SAMHD1: variants seen among roughly 807,000 people sequenced by gnomAD.
The protein encoded by SAMHD1 is SAM and HD domain containing deoxynucleoside triphosphate triphosphohydrolase 1.
Under a neutral mutation model 79.6 loss-of-function variants are expected in SAMHD1, and 54 were observed. The ratio of observed to expected loss-of-function variants is 0.68; its 90% confidence interval spans 0.55 to 0.85. SAMHD1 has a LOEUF of 0.85. SAMHD1 is among the 40% of genes least tolerant of loss of function. SAMHD1 has a pLI of 0.00. For synonymous variants in SAMHD1, 260 were observed against 264.1 expected, an observed-to-expected ratio of 0.98 and a Z score of 0.15; for missense variants, 663 against 782.7, an observed-to-expected ratio of 0.85 and a Z score of 1.82.
At chr20:36,910,732 A>G (rs80222496) in intron 11 of SAMHD1, among the ~76,000 whole-genome samples, 216 of 147,718 alleles carry the variant, frequency 1.5e-3, no homozygotes, top group Non-Finnish European at 2.8e-3. Context: ...TCCATCTCCA[A>G]AAAAAAAAAA....
Position 36,911,299 on chromosome 20 carries a change from T to C in SAMHD1, c.1189A>G (p.Ile397Val), listed in dbSNP as rs1332429542. 16 of 1,612,382 alleles carry C rather than the reference T, an allele frequency of 9.9e-6. No homozygotes were observed. The highest frequency in any genetic ancestry group is 1.3e-5 in the African/African-American group (1 of 74,912). The change falls in exon 11 of 16, where the codon ATA (isoleucine) becomes GTA (valine). Residue 397 changes from isoleucine (I) to valine (V), a missense_variant. By Grantham distance (29) the Ile-to-Val change is conservative (BLOSUM62 3). Transcript: ENST00000646673. ...TTTCCTCCAGCACCTGTAATCTCTATGTAGTCATCTGCTTTGAGGAAAGCA... is the reference window on the plus strand; with the variant it reads ...TTTCCTCCAGCACCTGTAATCTCTACGTAGTCATCTGCTTTGAGGAAAGCA... ...TDAFLKADDY[I>V]EITGAGGKKY...
intron 9 of SAMHD1, among the ~76,000 whole-genome samples, chr20:36,916,334 A>AATG (rs1479210360): frequency 6.6e-6 from 1 of 151,824 alleles, no homozygotes; most frequent in Admixed American, 6.6e-5. Flanking sequence ...AAGCACTTAA[A>AATG]ATGATGCCTC....
At chr20:36,950,628 A>C (rs1007529596) in intron 1 of SAMHD1, among the ~76,000 whole-genome samples, 4 of 152,152 alleles carry the variant, frequency 2.6e-5, no homozygotes, top group Non-Finnish European at 5.9e-5. Context: ...CTCAACCTAA[A>C]CACTTCTCCA....
chr20:36,904,411 C>A (rs1201807376), intron 12 of SAMHD1, 162 bp from the exon 13 acceptor site: 3 of 650,136 alleles, frequency 4.6e-6, no homozygotes, highest in African/African-American at 3.7e-5. Flanking sequence ...ACAAAGAGAG[C>A]ATTTTTGTAA....
Position 36,891,446 on chromosome 20 carries a change from G to A in SAMHD1, c.*1486C>T, listed in dbSNP as rs909716215. The A allele has an allele frequency of 1.3e-5, 2 of 152,270 alleles. No homozygotes were observed. The highest frequency in any genetic ancestry group is 2.4e-5 in the African/African-American group (1 of 41,452). 9.4% of individuals were successfully genotyped at this position (152,270 alleles called of 1,614,324 possible). On this transcript the variant is annotated 3_prime_UTR_variant, in exon 16 of 16. Coordinates refer to ENST00000646673, the MANE Select transcript of SAMHD1 (RefSeq NM_015474.4). ...AGCATCAGAGCAGAAGACATTCGGGGCTCATGGCTCCCATCCCCACTGGCC... is the reference window on the plus strand; with the variant it reads ...AGCATCAGAGCAGAAGACATTCGGGACTCATGGCTCCCATCCCCACTGGCC...
chr20:36,928,781 G>T (rs929287207), intron 5 of SAMHD1, among the ~76,000 whole-genome samples: 1 of 151,928 alleles, frequency 6.6e-6, no homozygotes, highest in African/African-American at 2.4e-5. Flanking sequence ...CTTTGGCCGG[G>T]TGTGGTGGCT....
rs200458478 is a variant in SAMHD1 at position 36,919,530 on chromosome 20, T to C, written c.697-11A>G. 282 of 1,612,576 alleles carry C rather than the reference T, an allele frequency of 1.7e-4. No homozygotes were observed. The highest frequency in any genetic ancestry group is 3.5e-4 in the Middle Eastern group (2 of 5,718). On this transcript the variant is annotated splice_polypyrimidine_tract_variant and intron_variant, in intron 6 of 15. Transcript: ENST00000646673. Reference sequence around the variant, plus strand: ...TGAGCCTTGTTCATGCTAGGAAAAGTAAGCACAATATGATGTGTTAAAGAT... The same window carrying C: ...TGAGCCTTGTTCATGCTAGGAAAAGCAAGCACAATATGATGTGTTAAAGAT...
At chr20:36,936,278 A>T (rs1023321538) in intron 3 of SAMHD1, among the ~76,000 whole-genome samples, 1 of 152,052 alleles carries the variant, frequency 6.6e-6, no homozygotes, top group African/African-American at 2.4e-5. Flanking sequence ...AATTTTGTAC[A>T]GCTGAACAAT....
chr20:36,916,541 T>G (rs1356630565), intron 9 of SAMHD1, 181 bp downstream of exon 9: 4 of 577,026 alleles, frequency 6.9e-6, no homozygotes, highest in Non-Finnish European at 1.2e-5. Flanking sequence ...TAAATGTCCA[T>G]GTTAATTTTA....
rs746676882 is a variant in SAMHD1 at position 36,911,673 on chromosome 20, A to G, written c.1155-340T>C. 10 of 230,326 alleles carry G rather than the reference A, an allele frequency of 4.3e-5. No homozygotes were observed. The East Asian group carries it at 5.3e-4, about 12-fold the overall frequency. The allele number at this position is 230,326 out of a possible 1,614,324, so 14.3% of individuals were successfully genotyped here. ...AAACAGTGCCAGGCTTTGAAACTAG[A>G]TATCTCTGAATTACAAAACAACAAC... On this transcript the variant is annotated intron_variant, in intron 10 of 15. Transcript: ENST00000646673.
intron 15 of SAMHD1, 108 bp downstream of exon 15, chr20:36,897,714 A>G (rs1990222093): frequency 7.9e-7 from 1 of 1,260,296 alleles, no homozygotes; most frequent in East Asian, 2.4e-5. Context: ...CAAAACCATA[A>G]CCAAATGACT....
At chr20:36,908,231 A>T (rs1343055536) in intron 11 of SAMHD1, among the ~76,000 whole-genome samples, 3 of 148,054 alleles carry the variant, frequency 2.0e-5, no homozygotes, top group African/African-American at 7.3e-5. Flanking sequence ...TAATTTTTAA[A>T]TTTTTTCTCT....
At chr20:36,950,306 G>A (rs966241107) in intron 1 of SAMHD1, among the ~76,000 whole-genome samples, 1 of 151,368 alleles carries the variant, frequency 6.6e-6, no homozygotes, top group African/African-American at 2.4e-5. Context: ...GCAGTGGAGG[G>A]AAACGAAAGG....
intron 1 of SAMHD1, 104 bp downstream of exon 1, chr20:36,951,332 T>C: frequency 6.5e-7 from 1 of 1,528,522 alleles, no homozygotes; most frequent in Non-Finnish European, 8.9e-7. Flanking sequence ...GCCGCAGGGC[T>C]CGCTCCTCGG....
At position 36,939,075 on chromosome 20, in the gene SAMHD1, C is replaced by CAAAAAAAAAAAAAA. The variant is rs1178988134; in HGVS notation, c.348+1950_348+1963dup. Reference sequence around the variant, plus strand: ...GAAACCTTGCCTCTACTAAAAATACCAAAAAAAAAAAAAAAAAAAAAAAAA... The same window carrying CAAAAAAAAAAAAAA: ...GAAACCTTGCCTCTACTAAAAATACCAAAAAAAAAAAAAAAAAAAAAAAAAAAAAAAAAAAAAAA... On this transcript the variant is annotated intron_variant, in intron 3 of 15. Transcript: ENST00000646673. Among the ~76,000 whole-genome samples the CAAAAAAAAAAAAAA allele has an allele frequency of 7.5e-4, 17 of 22,534 alleles. 1 individual carries two copies. The highest frequency in any genetic ancestry group is 1.0e-3 in the African/African-American group (5 of 4,904). 14.8% of individuals were successfully genotyped at this position (22,534 alleles called of 152,430 possible). A position where few individuals can be genotyped will look rare whatever the true frequency, so the allele number is the denominator to read the frequency against.
chr20:36,935,832 A>G (rs1488442617), intron 3 of SAMHD1, among the ~76,000 whole-genome samples: 1 of 152,100 alleles, frequency 6.6e-6, no homozygotes, highest in African/African-American at 2.4e-5. Flanking sequence ...CGGCCTCCCA[A>G]AGTGTTGGGA....
chr20:36,893,212 CA>C, intron 15 of SAMHD1, 146 bp from the exon 16 acceptor site: 1 of 979,266 alleles, frequency 1.0e-6, no homozygotes, highest in Non-Finnish European at 1.6e-6. Flanking sequence ...CTCCAAATTA[CA>C]TATGCCCTGT....
At chr20:36,929,507 G>T (rs555319448) in intron 5 of SAMHD1, among the ~76,000 whole-genome samples, 1 of 152,234 alleles carries the variant, frequency 6.6e-6, no homozygotes, top group East Asian at 1.9e-4. Context: ...GGCCAAGGGA[G>T]GTGAATCACT....
In SAMHD1 at chr20:36,892,957, T is replaced by A; in HGVS notation, c.1856A>T (p.Gln619Leu). The A allele has an allele frequency of 5.6e-6, 9 of 1,614,124 alleles. No individual in the cohort carries two copies. Among genetic ancestry groups the A allele is most frequent in the Non-Finnish European group, 7.6e-6 (9 of 1,180,032 alleles). The part of the protein sequence containing the change: ...RLREASKSRV[Q>L]LFKDDPM ...TCACATTGGGTCATCTTTAAAAAGCTGGACTCTGCTTTTGGATGCTTCTCG... is the reference window on the plus strand; with the variant it reads ...TCACATTGGGTCATCTTTAAAAAGCAGGACTCTGCTTTTGGATGCTTCTCG... The change falls in exon 16 of 16, where the codon CAG (glutamine) becomes CTG (leucine). Residue 619 changes from glutamine to leucine, a missense_variant. Gln to Leu is a moderately radical substitution (Grantham distance 113). Transcript: ENST00000646673.
Sources: allele counts gnomAD v4.1 joint callset (sites outside exome capture counted in the v4.1 genomes callset), GRCh38; gene constraint gnomAD v4.1.1; transcripts MANE v1.5; gene names NCBI Gene and HGNC (gene_info 2026-07-23, HGNC 2026-07-21).